Variants in GABRG3 observed in about 807,000 individuals in gnomAD.
The protein encoded by GABRG3 is gamma-aminobutyric acid receptor subunit gamma-3.
A neutral mutation model predicts 48.8 loss-of-function variants in GABRG3; 25 were observed. The observed-to-expected ratio is 0.51, with a 90% CI of 0.37 to 0.72. The LOEUF is 0.72. Ranked by LOEUF, GABRG3 falls within the 30% of genes least tolerant of loss-of-function variation. The probability of loss-of-function intolerance (pLI) is 0.00; values close to 1 mark genes in which losing one functional copy is unlikely to be tolerated. For missense variants in GABRG3, 394 were observed against 577.9 expected (o/e 0.68, Z 3.26); for synonymous variants, 227 against 217.6 (o/e 1.04, Z -0.38).
chr15:27,186,945 A>C (rs981039719), intron 3 of GABRG3, among the ~76,000 whole-genome samples: 2 of 151,984 alleles, frequency 1.3e-5, no homozygotes, highest in African/African-American at 4.8e-5. Context: ...TGTCAATTTT[A>C]TTTTGTTGTT....
chr15:27,412,535 A>G (rs1461854033), intron 5 of GABRG3, among the ~76,000 whole-genome samples: 1 of 152,220 alleles, frequency 6.6e-6, no homozygotes, highest in Non-Finnish European at 1.5e-5. Flanking sequence ...AAGCGTGTTT[A>G]TATTGTGTCA....
At chr15:27,358,491 C>T (rs1032420423) in intron 5 of GABRG3, among the ~76,000 whole-genome samples, 4 of 151,982 alleles carry the variant, frequency 2.6e-5, no homozygotes, top group Non-Finnish European at 5.9e-5. Flanking sequence ...GGGCTGGTGG[C>T]ATGGTCAGTA....
intron 2 of GABRG3, among the ~76,000 whole-genome samples, chr15:27,024,093 G>T (rs1283700379): frequency 6.6e-6 from 1 of 152,038 alleles, no homozygotes; most frequent in East Asian, 1.9e-4. Flanking sequence ...TGTGCTTATT[G>T]TCTGCTTGTA....
intron 5 of GABRG3, among the ~76,000 whole-genome samples, chr15:27,396,702 T>C (rs1887308672): frequency 6.6e-6 from 1 of 152,218 alleles, no homozygotes. Context: ...AGCTGCTTTA[T>C]TCATAATTGC....
At chr15:27,121,936 A>C (rs750038050) in intron 3 of GABRG3, among the ~76,000 whole-genome samples, 1 of 152,206 alleles carries the variant, frequency 6.6e-6, no homozygotes, top group Admixed American at 6.5e-5. Context: ...TGAAGATAGT[A>C]GAAGGATGGT....
intron 3 of GABRG3, among the ~76,000 whole-genome samples, chr15:27,042,865 G>A (rs768802579): frequency 6.6e-6 from 1 of 152,226 alleles, no homozygotes; most frequent in African/African-American, 2.4e-5. Context: ...CCTCCCTGTG[G>A]TGTGGCCTGG....
intron 3 of GABRG3, among the ~76,000 whole-genome samples, chr15:27,160,723 A>T (rs917449325): frequency 1.3e-5 from 2 of 151,088 alleles, no homozygotes; most frequent in Non-Finnish European, 2.9e-5. Flanking sequence ...CTGGTCTCAC[A>T]TTGCTTCTGT....
At chr15:27,423,145 A>T (rs1334018406) in intron 5 of GABRG3, among the ~76,000 whole-genome samples, 1 of 150,994 alleles carries the variant, frequency 6.6e-6, no homozygotes, top group Non-Finnish European at 1.5e-5. Flanking sequence ...CCCAGTGTAC[A>T]TCATCAAGAG....
At chr15:27,427,919 G>T (rs1394842700) in intron 5 of GABRG3, among the ~76,000 whole-genome samples, 1 of 152,010 alleles carries the variant, frequency 6.6e-6, no homozygotes, top group Non-Finnish European at 1.5e-5. Context: ...GACTCGCTTT[G>T]TCTCCCAGGC....
intron 5 of GABRG3, among the ~76,000 whole-genome samples, chr15:27,385,617 T>C (rs575971321): frequency 6.6e-6 from 1 of 152,306 alleles, no homozygotes; most frequent in African/African-American, 2.4e-5. Context: ...GAATGATCAT[T>C]AAGTTCACTG....
At chr15:27,293,953 G>A (rs1891889954) in intron 3 of GABRG3, among the ~76,000 whole-genome samples, 1 of 152,096 alleles carries the variant, frequency 6.6e-6, no homozygotes, top group African/African-American at 2.4e-5. Flanking sequence ...AAAGTATAAG[G>A]TATGTCTGTG....
intron 7 of GABRG3, among the ~76,000 whole-genome samples, chr15:27,522,026 C>T (rs889928342): frequency 1.3e-5 from 2 of 151,868 alleles, no homozygotes; most frequent in Non-Finnish European, 2.9e-5. Flanking sequence ...ATTCAAATAG[C>T]TTAGTGAGAT....
At chr15:26,979,009 C>T (rs750892235) in intron 2 of GABRG3, among the ~76,000 whole-genome samples, 1 of 152,118 alleles carries the variant, frequency 6.6e-6, no homozygotes, top group African/African-American at 2.4e-5. Flanking sequence ...GTTCTTGTAT[C>T]AGTGGTTTCT....
intron 3 of GABRG3, among the ~76,000 whole-genome samples, chr15:27,198,476 C>T (rs982624114): frequency 6.6e-6 from 1 of 152,122 alleles, no homozygotes; most frequent in Non-Finnish European, 1.5e-5. Flanking sequence ...GAATGGTGAT[C>T]ATTAAAATGT....
chr15:27,463,449 A>C (rs1031014493), intron 5 of GABRG3, among the ~76,000 whole-genome samples: 22 of 152,326 alleles, frequency 1.4e-4, no homozygotes, highest in East Asian at 1.2e-3. Context: ...GTATCACCGA[A>C]GTGTGGATCT....
At chr15:27,126,837 C>A (rs1031988671) in intron 3 of GABRG3, among the ~76,000 whole-genome samples, 13 of 152,100 alleles carry the variant, frequency 8.5e-5, no homozygotes, top group Non-Finnish European at 1.9e-4. Context: ...CTGAAATATG[C>A]AGCATTGGCT....
At chr15:27,491,721 G>C (rs1390387904) in intron 6 of GABRG3, among the ~76,000 whole-genome samples, 1 of 152,052 alleles carries the variant, frequency 6.6e-6, no homozygotes, top group Non-Finnish European at 1.5e-5. Flanking sequence ...ATTCCTCAAA[G>C]AAGTAATTAC....
chr15:27,264,346 A>G (rs1168469304), intron 3 of GABRG3, among the ~76,000 whole-genome samples: 1 of 152,158 alleles, frequency 6.6e-6, no homozygotes, highest in Non-Finnish European at 1.5e-5. Flanking sequence ...ATGCTTCCCC[A>G]CTGCCTTATT....
chr15:27,257,814 ATTT>A (rs60790753), intron 3 of GABRG3, among the ~76,000 whole-genome samples: 4,354 of 142,856 alleles, frequency 0.03, 205 homozygotes, highest in African/African-American at 0.1. Flanking sequence ...ACACGTGGCT[ATTT>A]TTTTTTTTTT....
Sources: gnomAD v4.1 joint callset for allele counts (sites outside exome capture counted in the v4.1 genomes callset) on GRCh38, gnomAD v4.1.1 for gene constraint, MANE v1.5 for transcripts, NCBI Gene and HGNC (gene_info 2026-07-23, HGNC 2026-07-21) for gene names.